RALGAPA1: variants seen among roughly 807,000 people sequenced by gnomAD.
The protein encoded by RALGAPA1 is Ral GTPase activating protein catalytic subunit alpha 1.
Under a neutral mutation model 269.6 loss-of-function variants are expected in RALGAPA1, and 52 were observed. That is an observed-to-expected ratio of 0.19 (90% CI 0.15 to 0.24). The LOEUF (loss-of-function observed/expected upper bound fraction) is 0.24, where lower values mean the gene tolerates loss of function less well. Among genes scored for constraint, RALGAPA1 ranks in the 10% least tolerant of loss-of-function variants. The pLI is 1.00. For synonymous variants in RALGAPA1, 817 were observed against 1,008.3 expected (o/e 0.81, Z 3.60); for missense variants, 1,917 against 3,013.9 (o/e 0.64, Z 8.52).
chr14:35,547,175 T>C lies in RALGAPA1; in HGVS notation c.*23+1333A>G, dbSNP rs570174947. Among the ~76,000 whole-genome samples the C allele has an allele frequency of 2.0e-4, 30 of 152,292 alleles. 1 individual carries two copies. In the South Asian group the frequency reaches 6.0e-3, roughly 31 times the overall value. On this transcript the variant is annotated intron_variant, in intron 41 of 41. Transcript: ENST00000680220. ...TCTGTAGCACAATATTAGGTTTATGTTCAAATTCACATTTTTACTACTATT... is the reference window on the plus strand; with the variant it reads ...TCTGTAGCACAATATTAGGTTTATGCTCAAATTCACATTTTTACTACTATT...
At chr14:35,553,438 AATAG>A (rs2055218957) in intron 39 of RALGAPA1, among the ~76,000 whole-genome samples, 1 of 152,196 alleles carries the variant, frequency 6.6e-6, no homozygotes, top group South Asian at 2.1e-4. Flanking sequence ...CACATAAAAG[AATAG>A]ATAAAGGTAG....
At chr14:35,801,012 C>T (rs758198922) in intron 1 of RALGAPA1, among the ~76,000 whole-genome samples, 6 of 149,980 alleles carry the variant, frequency 4.0e-5, no homozygotes, top group East Asian at 3.9e-4. Flanking sequence ...TCCTGCGTCC[C>T]GCCTCCAAAA....
At chr14:35,704,112 A>G (rs933030886) in intron 16 of RALGAPA1, among the ~76,000 whole-genome samples, 26 of 152,328 alleles carry the variant, frequency 1.7e-4, no homozygotes, top group African/African-American at 6.3e-4. Flanking sequence ...ATCCATTGGC[A>G]GAAATACCTG....
chr14:35,557,098 A>ATGTGTG (rs56835063), intron 39 of RALGAPA1, among the ~76,000 whole-genome samples: 37,482 of 142,074 alleles, frequency 0.26, 5,865 homozygotes, highest in Non-Finnish European at 0.37. Flanking sequence ...TCCAATATGT[A>ATGTGTG]TGTGTGTGTG....
chr14:35,573,978 G>GT (rs1312512902), intron 37 of RALGAPA1, among the ~76,000 whole-genome samples: 1 of 152,098 alleles, frequency 6.6e-6, no homozygotes, highest in African/African-American at 2.4e-5. Context: ...ATCTAATTTT[G>GT]ATACATTAAT....
intron 3 of RALGAPA1, among the ~76,000 whole-genome samples, chr14:35,773,322 C>T (rs1193268965): frequency 1.3e-5 from 2 of 151,976 alleles, no homozygotes; most frequent in African/African-American, 4.8e-5. Flanking sequence ...TCATCAGTTT[C>T]TAAAGGTAGA....
chr14:35,599,046 C>T (rs1436964628), intron 36 of RALGAPA1, among the ~76,000 whole-genome samples: 1 of 152,190 alleles, frequency 6.6e-6, no homozygotes, highest in Non-Finnish European at 1.5e-5. Flanking sequence ...TAACTTATCA[C>T]AGCCTACTAG....
intron 10 of RALGAPA1, among the ~76,000 whole-genome samples, chr14:35,745,760 T>A (rs1254849385): frequency 3.8e-4 from 28 of 73,808 alleles, no homozygotes; most frequent in African/African-American, 1.6e-3. Flanking sequence ...CGAGACTCCA[T>A]CTCAAAAAAA....
In RALGAPA1 at chr14:35,738,784, T is replaced by G; in HGVS notation, c.1450-134A>C. Reference sequence around the variant, plus strand: ...TCTTTCTCTCAAAATAGATGATGTCTTATCCAAATCCAAAAACAATGTATA... The same window carrying G: ...TCTTTCTCTCAAAATAGATGATGTCGTATCCAAATCCAAAAACAATGTATA... On this transcript the variant is annotated intron_variant, in intron 11 of 41. Transcript: ENST00000680220. 3 of 640,500 alleles carry G rather than the reference T, an allele frequency of 4.7e-6. No individual in the cohort carries two copies. In the South Asian group the frequency reaches 7.5e-5, roughly 16 times the overall value. The allele number at this position is 640,500 out of a possible 1,614,324, so 39.7% of individuals were successfully genotyped here.
chr14:35,713,268 T>C (rs1277501618), intron 16 of RALGAPA1, among the ~76,000 whole-genome samples: 1 of 152,154 alleles, frequency 6.6e-6, no homozygotes, highest in Non-Finnish European at 1.5e-5. Flanking sequence ...TGAGAGATAC[T>C]TAGCTCAAGA....
chr14:35,633,628 T>C (rs2061491307), intron 33 of RALGAPA1, among the ~76,000 whole-genome samples: 1 of 152,140 alleles, frequency 6.6e-6, no homozygotes, highest in Non-Finnish European at 1.5e-5. Context: ...TATGGATGTA[T>C]CACAATAAAA....
chr14:35,689,351 G>A lies in RALGAPA1; in HGVS notation c.3060C>T (p.Ile1020=), dbSNP rs1002318956. Residue 1020 remains isoleucine (I), a synonymous_variant, in exon 18 of 42, where the codon ATC becomes ATT. Coordinates refer to ENST00000680220, the MANE Select transcript of RALGAPA1 (RefSeq NM_001346249.2). The part of the protein sequence containing the change: ...EPNSAVFMSN[I]APNQSDSFFR... ...AAAAACTGTCTGACTGGTTAGGTGC[G>A]ATATTACTCATGAAGACAGCTGAGT... 1.6e-6 allele frequency: 2 copies of A among 1,232,074 alleles called. No individual in the cohort carries two copies. The highest frequency in any genetic ancestry group is 3.1e-5 in the African/African-American group (2 of 64,382). 76.3% of individuals were successfully genotyped at this position (1,232,074 alleles called of 1,614,324 possible). A position where few individuals can be genotyped will look rare whatever the true frequency, so the allele number is the denominator to read the frequency against.
intron 36 of RALGAPA1, among the ~76,000 whole-genome samples, chr14:35,599,392 T>G (rs2059134453): frequency 6.6e-6 from 1 of 152,230 alleles, no homozygotes; most frequent in Admixed American, 6.5e-5. Context: ...TAAGTTTCTC[T>G]TCATTTGAGA....
At chr14:35,771,068 T>C in intron 3 of RALGAPA1, 69 bp from the exon 4 acceptor site, 1 of 649,272 alleles carries the variant, frequency 1.5e-6, no homozygotes, top group Non-Finnish European at 2.6e-6. Flanking sequence ...TCCTGCAAAA[T>C]GTGAAAAATT....
At chr14:35,666,213 A>G (rs556552919) in intron 26 of RALGAPA1, among the ~76,000 whole-genome samples, 1 of 152,066 alleles carries the variant, frequency 6.6e-6, no homozygotes, top group Admixed American at 6.6e-5. Context: ...CTTATAAACA[A>G]CAAGGGTCAT....
intron 31 of RALGAPA1, among the ~76,000 whole-genome samples, chr14:35,636,649 T>C (rs1225786737): frequency 6.6e-6 from 1 of 152,188 alleles, no homozygotes; most frequent in Non-Finnish European, 1.5e-5. Flanking sequence ...GCCACCTAAG[T>C]AACTGGGATT....
Position 35,559,813 on chromosome 14 carries a change from TAATGTGTAAA to T in RALGAPA1, c.7497-10589_7497-10580del, listed in dbSNP as rs577957693. On this transcript the variant is annotated intron_variant, in intron 39 of 41. Coordinates refer to ENST00000680220, the MANE Select transcript of RALGAPA1 (RefSeq NM_001346249.2). The stretch of plus-strand genomic sequence containing the variant: ...TCATCAATAACGTGTAAAAGTGTAA[TAATGTGTAAA>T]AACTCAATAATTGTATAAAAGTATC... 3.7e-4 allele frequency among the ~76,000 whole-genome samples: 56 copies of T among 152,328 alleles called. 1 individual carries two copies. Among genetic ancestry groups the T allele is most frequent in the Middle Eastern group, 3.4e-3 (1 of 294 alleles).
intron 40 of RALGAPA1, among the ~76,000 whole-genome samples, chr14:35,548,835 T>C (rs2054695058): frequency 6.6e-6 from 1 of 152,162 alleles, no homozygotes. Flanking sequence ...TTGCAGATAC[T>C]TCAGAAATGA....
chr14:35,652,004 CTG>C lies in RALGAPA1; in HGVS notation c.5608-133_5608-132del, dbSNP rs1196830118. ...CAAATTTATTCTAAACACATTAACA[CTG>C]TTATTTCAAAGTAATGTTTAATAGG... is the stretch of plus-strand genomic sequence containing the variant. On this transcript the variant is annotated intron_variant, in intron 30 of 41. Transcript: ENST00000680220. The C allele has an allele frequency of 2.3e-5, 13 of 561,350 alleles. No individual in the cohort carries two copies. In the Admixed American group the frequency reaches 3.0e-4, roughly 13 times the overall value. 34.8% of individuals were successfully genotyped at this position (561,350 alleles called of 1,614,324 possible).
Sources: allele counts gnomAD v4.1 joint callset (sites outside exome capture counted in the v4.1 genomes callset), GRCh38; gene constraint gnomAD v4.1.1; transcripts MANE v1.5; gene names NCBI Gene and HGNC (gene_info 2026-07-23, HGNC 2026-07-21).